Variants in ABCA2 observed in about 807,000 individuals in gnomAD.
ABCA2 encodes the protein ATP-binding cassette sub-family A member 2.
Under a neutral mutation model 262.8 loss-of-function variants are expected in ABCA2, and 84 were observed. That is an observed-to-expected ratio of 0.32 (90% CI 0.27 to 0.38). The LOEUF (loss-of-function observed/expected upper bound fraction) is 0.38, where lower values mean the gene tolerates loss of function less well. Ranked by LOEUF, ABCA2 falls within the 10% of genes least tolerant of loss-of-function variation. The pLI is 1.00. For missense variants in ABCA2, 2,662 were observed against 3,405.9 expected (o/e 0.78, Z 5.44); for synonymous variants, 1,696 against 1,502.9 (o/e 1.13, Z -2.97).
rs867822182 is a variant in ABCA2, at chr9:137,021,280, C to T, written c.897+112G>A. ...CCATTGGATACCCACCCACAGGCAG[C>T]ATCCCACGCACAGCCTGGGCCCAGG... is the stretch of plus-strand genomic sequence containing the variant. On this transcript the variant is annotated intron_variant, in intron 8 of 48. Coordinates refer to ENST00000341511, the MANE Select transcript of ABCA2 (RefSeq NM_001606.5). The surrounding 1 kb of genome is among the most constrained non-coding windows in gnomAD (Gnocchi z 6.0). The T allele has an allele frequency of 7.2e-7, 1 of 1,379,850 alleles. No homozygotes were observed. The highest frequency in any genetic ancestry group is 9.8e-7 in the Non-Finnish European group (1 of 1,022,052). The allele number at this position is 1,379,850 out of a possible 1,614,324, so 85.5% of individuals were successfully genotyped here. A position where few individuals can be genotyped will look rare whatever the true frequency, so the allele number is the denominator to read the frequency against.
intron 6 of ABCA2, 105 bp downstream of exon 6, chr9:137,022,246 G>C: frequency 6.9e-7 from 1 of 1,443,802 alleles, no homozygotes; most frequent in Non-Finnish European, 9.2e-7. Context: ...GGTTCAGACG[G>C]TCTGGGCGTG....
At chr9:137,022,500 G>T in intron 5 of ABCA2, 22 bp from the exon 6 acceptor site, 1 of 1,607,888 alleles carries the variant, frequency 6.2e-7, no homozygotes, top group Non-Finnish European at 8.5e-7. Context: ...GGAAGGCGAG[G>T]CTGAGAGGCC....
chr9:137,015,648 C>T (rs749398957), intron 23 of ABCA2, 27 bp downstream of exon 23: 2 of 1,610,244 alleles, frequency 1.2e-6, no homozygotes, highest in South Asian at 1.1e-5. Context: ...GCCGCCCGCA[C>T]CCCTGCCCAC....
Position 137,011,679 on chromosome 9 carries a change from G to A in ABCA2, c.5606C>T (p.Ser1869Leu), listed in dbSNP as rs1831049514. Residue 1869 changes from serine (S) to leucine (L), a missense_variant, in exon 36 of 49, where the codon TCG becomes TTG. Coordinates refer to ENST00000341511, the MANE Select transcript of ABCA2 (RefSeq NM_001606.5). The surrounding 1 kb of genome is among the most constrained non-coding windows in gnomAD (Gnocchi z 8.8). Reference sequence around the variant, plus strand: ...GAGGACGGCAGGGAAGTTGGTGGGCGACGTGTAGGCCGGCAGGTCGAACAC... The same window carrying A: ...GAGGACGGCAGGGAAGTTGGTGGGCAACGTGTAGGCCGGCAGGTCGAACAC... ...LFVFDLPAYT[S>L]PTNFPAVLSL... 1.3e-6 allele frequency: 2 copies of A among 1,555,474 alleles called. No homozygotes were observed. Among genetic ancestry groups the A allele is most frequent in the Admixed American group, 1.9e-5 (1 of 51,576 alleles).
At chr9:137,020,312 A>T in intron 10 of ABCA2, 24 bp downstream of exon 10, 1 of 1,610,546 alleles carries the variant, frequency 6.2e-7, no homozygotes, top group Non-Finnish European at 8.5e-7. Flanking sequence ...CCTGTCAAAC[A>T]TGGAGCGTCC....
chr9:137,020,813 G>A lies in ABCA2; in HGVS notation c.1146C>T (p.Thr382=), dbSNP rs765463176. The A allele has an allele frequency of 1.0e-5, 16 of 1,566,178 alleles. No homozygotes were observed. Among genetic ancestry groups the A allele is most frequent in the East Asian group, 4.7e-5 (2 of 42,476 alleles). The change falls in exon 9 of 49, where the codon ACC becomes ACT. Residue 382 remains threonine (T), a synonymous_variant. Coordinates refer to ENST00000341511, the MANE Select transcript of ABCA2 (RefSeq NM_001606.5). The part of the protein sequence containing the change: ...GAGAVMGPNA[T]AEEGAPSAAA... ...CAGCAGAGGGTGCGCCCTCCTCAGC[G>A]GTGGCGTTGGGGCCCATGACTGCCC...
At position 137,023,051 on chromosome 9, in the gene ABCA2, G is replaced by A. The variant is rs994525632; in HGVS notation, c.165C>T (p.Ser55=). 6.3e-7 allele frequency: 1 copy of A among 1,580,374 alleles called. No individual in the cohort carries two copies. Among genetic ancestry groups the A allele is most frequent in the African/African-American group, 1.3e-5 (1 of 74,218 alleles). ...KKPTISVKEV[S]FYTAAPLTSA... is the part of the protein sequence containing the mutation. The stretch of plus-strand genomic sequence containing the variant: ...ACGTCAGGGGCGCCGCTGTGTAGAA[G>A]GCTGGCAGACCCACGGGAGAGGGCA... Residue 55 remains serine, a splice_region_variant and synonymous_variant, in exon 4 of 49, where the codon TCC becomes TCT. Transcript: ENST00000341511.
At chr9:137,010,408 C>G in intron 40 of ABCA2, 37 bp from the exon 41 acceptor site, 1 of 1,546,216 alleles carries the variant, frequency 6.5e-7, no homozygotes, top group South Asian at 1.2e-5. Flanking sequence ...GGGCATCCTG[C>G]CCCCACCCTG....
In ABCA2 at chr9:137,019,384, C is replaced by G; in HGVS notation, c.1426-78G>C. The G allele has an allele frequency of 1.3e-6, 2 of 1,544,930 alleles. No individual in the cohort carries two copies. Among genetic ancestry groups the G allele is most frequent in the South Asian group, 1.2e-5 (1 of 83,666 alleles). ...TGGGGGCTCTCACCCCACTCACCTCCCCAGTGGCTGGTCCATTGCCAACAA... is the reference window on the plus strand; with the variant it reads ...TGGGGGCTCTCACCCCACTCACCTCGCCAGTGGCTGGTCCATTGCCAACAA... On this transcript the variant is annotated intron_variant, in intron 10 of 48. Transcript: ENST00000341511. This position sits in a 1 kb window ranked among gnomAD's most constrained non-coding sequence, Gnocchi z 4.4.
At position 137,019,241 on chromosome 9, in the gene ABCA2, C is replaced by T. The variant is rs549856095; in HGVS notation, c.1491G>A (p.Ser497=). 20 of 1,612,638 alleles carry T rather than the reference C, an allele frequency of 1.2e-5. No homozygotes were observed. In the East Asian group the frequency reaches 1.3e-4, roughly 11 times the overall value. ...GCTCCAGGAAGCTGCGGATCTCCGC[C>T]GAGATGTTGAGCCAGACCTGGGCAT... is the stretch of plus-strand genomic sequence containing the variant. ...THYAQVWLNI[S]AEIRSFLEQG... The change falls in exon 11 of 49, where the codon TCG becomes TCA. Residue 497 remains serine (S), a synonymous_variant. Coordinates refer to ENST00000341511, the MANE Select transcript of ABCA2 (RefSeq NM_001606.5). The surrounding 1 kb of genome is among the most constrained non-coding windows in gnomAD (Gnocchi z 4.4).
rs763016030 is a variant in ABCA2 at position 137,010,685 on chromosome 9, C to T, written c.6109G>A (p.Glu2037Lys). ...PVEDDVDVAS[E>K]RQRVLRGDAD... ...TCTCCCCGGAGCACTCGCTGCCGCT[C>T]ACTGGCCACGTCCACATCATCCTCC... Residue 2037 changes from glutamate (E) to lysine (K), a missense_variant, in exon 40 of 49, where the codon GAG becomes AAG. This residue lies in a region of ABCA2 where 602 missense variants were observed against 897.4 expected (regional missense o/e 0.67). Coordinates refer to ENST00000341511, the MANE Select transcript of ABCA2 (RefSeq NM_001606.5). 1 of 1,612,450 alleles carries T rather than the reference C, an allele frequency of 6.2e-7. No homozygotes were observed. Among genetic ancestry groups the T allele is most frequent in the Admixed American group, 1.7e-5 (1 of 60,020 alleles).
At position 137,019,203 on chromosome 9, in the gene ABCA2, T is replaced by C. The variant is rs764729198; in HGVS notation, c.1529A>G (p.Gln510Arg). 4 of 1,612,588 alleles carry C rather than the reference T, an allele frequency of 2.5e-6. No individual in the cohort carries two copies. Among genetic ancestry groups the C allele is most frequent in the South Asian group, 2.2e-5 (2 of 91,082 alleles). ...CTGCTGCAGCCAGCGCAGGTGTTGC[T>C]GCAGCCTGCCCTGCTCCAGGAAGCT... Reference protein sequence around the residue: ...IRSFLEQGRLQQHLRWLQQYV... With the variant: ...IRSFLEQGRLRQHLRWLQQYV... The change falls in exon 11 of 49, where the codon CAG (glutamine) becomes CGG (arginine). Residue 510 changes from glutamine (Q) to arginine (R), a missense_variant. Around this residue, in one of 12 missense-constraint regions of ABCA2, gnomAD observed 187 missense variants for 205.9 expected, o/e 0.91. Transcript: ENST00000341511. This position sits in a 1 kb window ranked among gnomAD's most constrained non-coding sequence, Gnocchi z 4.4.
intron 30 of ABCA2, 24 bp from the exon 31 acceptor site, chr9:137,012,949 G>T: frequency 1.3e-6 from 2 of 1,487,826 alleles, no homozygotes; most frequent in Non-Finnish European, 1.8e-6. Flanking sequence ...ATGGTGCGGT[G>T]AGAAGGACCC....
At chr9:137,027,859 G>C (rs1339370354) in intron 1 of ABCA2, 4 of 153,842 alleles carry the variant, frequency 2.6e-5, no homozygotes, top group Non-Finnish European at 5.7e-5. Flanking sequence ...AGCGGACGCG[G>C]GACCGGACTG....
rs1366083382 is a variant in ABCA2 at position 137,024,030 on chromosome 9, G to A, written c.160+113C>T. The A allele has an allele frequency of 4.3e-5, 65 of 1,514,094 alleles. No homozygotes were observed. In the South Asian group the frequency reaches 5.1e-4, roughly 12 times the overall value. The allele number at this position is 1,514,094 out of a possible 1,614,324, so 93.8% of individuals were successfully genotyped here. ...AGGACCACACAGGGGAGCAGGCACCGCACCTCAGGGACTCCGGGAGCAGGA... is the reference window on the plus strand; with the variant it reads ...AGGACCACACAGGGGAGCAGGCACCACACCTCAGGGACTCCGGGAGCAGGA... On this transcript the variant is annotated intron_variant, in intron 2 of 48. Transcript: ENST00000341511.
chr9:137,011,029 G>A lies in ABCA2; in HGVS notation c.6000C>T (p.Gly2000=), dbSNP rs750372864. ...TRGLVAMAVE[G]VVGFLLTIMC... ...TGATGGTCAGGAGGAAGCCCACGAC[G>A]CCCTCAACCGCCATGGCCACCAGTC... The change falls in exon 39 of 49, where the codon GGC becomes GGT. Residue 2000 remains glycine (G), a synonymous_variant. Coordinates refer to ENST00000341511, the MANE Select transcript of ABCA2 (RefSeq NM_001606.5). This position sits in a 1 kb window ranked among gnomAD's most constrained non-coding sequence, Gnocchi z 8.8. The A allele has an allele frequency of 3.0e-5, 48 of 1,603,452 alleles. No homozygotes were observed. The East Asian group carries it at 7.9e-4, about 26-fold the overall frequency.
At chr9:137,023,951 T>C in intron 2 of ABCA2, 111 bp from the exon 3 acceptor site, 3 of 1,462,366 alleles carry the variant, frequency 2.1e-6, no homozygotes, top group South Asian at 1.2e-5. Flanking sequence ...GGCATCATCA[T>C]TCGCGGCCAC....
At chr9:137,028,284 G>A, upstream of ABCA2, 1 of 977,178 alleles carries the variant, frequency 1.0e-6, no homozygotes, top group South Asian at 4.7e-5. The surrounding 1 kb of genome is among the most constrained non-coding windows in gnomAD (Gnocchi z 6.9). Flanking sequence ...CGCTGGCTCC[G>A]CCCCGGCGGC....
chr9:137,016,471 T>C lies in ABCA2; in HGVS notation c.2924A>G (p.Glu975Gly). ...CTCCTCCTCCATGCCACGGGTCTCC[T>C]CTGCACCAGGGCTGTGGATCAGCAG... ...QACAMESRRF[E>G]ETRGMEEEPT... is the part of the protein sequence containing the mutation. The change falls in exon 21 of 49, where the codon GAG becomes GGG. Residue 975 changes from glutamate to glycine, a missense_variant and splice_region_variant. By Grantham distance (98) the Glu-to-Gly change is moderately conservative (BLOSUM62 -2). Transcript: ENST00000341511. 6.2e-7 allele frequency: 1 copy of C among 1,612,758 alleles called. No homozygotes were observed. The highest frequency in any genetic ancestry group is 8.5e-7 in the Non-Finnish European group (1 of 1,179,954).
Sources: allele counts gnomAD v4.1 joint callset, GRCh38; gene constraint gnomAD v4.1.1; regional missense constraint gnomAD v4.1.1; non-coding constraint Gnocchi (gnomAD v3.1); transcripts MANE v1.5; gene names NCBI Gene and HGNC (gene_info 2026-07-23, HGNC 2026-07-21).